Variants in ZMIZ1 observed in about 807,000 individuals in gnomAD.
The protein encoded by ZMIZ1 is zinc finger MIZ-type containing 1.
ZMIZ1 carries 17 observed loss-of-function variants against 113.9 expected under a neutral mutation model. The observed-to-expected ratio is 0.15, with a 90% CI of 0.10 to 0.22. ZMIZ1 has a LOEUF of 0.22. Among genes scored for constraint, ZMIZ1 ranks in the 10% least tolerant of loss-of-function variants. The pLI is 1.00. For synonymous variants in ZMIZ1, 607 were observed against 603.1 expected, an observed-to-expected ratio of 1.01 and a Z score of -0.09; for missense variants, 1,059 against 1,477.8, an observed-to-expected ratio of 0.72 and a Z score of 4.65.
rs533924300 is a variant in ZMIZ1 at position 79,087,799 on chromosome 10, ACT to A, written c.-337+18532_-337+18533del. On this transcript the variant is annotated intron_variant, in intron 1 of 24. Transcript: ENST00000334512. ...TGGAGAACTCCTAGGCATCCTGCAA[ACT>A]CTGCCCAAGCCTCAGCTTGCCCTCA... 1.2e-4 allele frequency among the ~76,000 whole-genome samples: 18 copies of A among 152,164 alleles called. No homozygotes were observed. In the East Asian group the frequency reaches 2.9e-3, roughly 25 times the overall value.
intron 1 of ZMIZ1, among the ~76,000 whole-genome samples, chr10:79,100,199 A>AG (rs1372947999): frequency 3.9e-5 from 6 of 152,086 alleles, no homozygotes; most frequent in African/African-American, 1.4e-4. Flanking sequence ...GGGGAGCCCC[A>AG]GGGGGACAGG....
At position 79,201,611 on chromosome 10, in the gene ZMIZ1, A is replaced by G. The variant is rs1476390429; in HGVS notation, c.-22A>G. On this transcript the variant is annotated 5_prime_UTR_variant, in exon 5 of 25. An upstream open reading frame in the 5' UTR loses its in-frame stop. Coordinates refer to ENST00000334512, the MANE Select transcript of ZMIZ1 (RefSeq NM_020338.4). ...TGGACAACGTTCATGGCTCTCGGGTAGAACCTAGTGAAACGGCCAGAATGA... is the reference window on the plus strand; with the variant it reads ...TGGACAACGTTCATGGCTCTCGGGTGGAACCTAGTGAAACGGCCAGAATGA... 2.5e-6 allele frequency: 4 copies of G among 1,613,250 alleles called. No homozygotes were observed. Among genetic ancestry groups the G allele is most frequent in the Admixed American group, 1.7e-5 (1 of 59,964 alleles).
chr10:79,078,060 G>GC (rs1418487663), intron 1 of ZMIZ1, among the ~76,000 whole-genome samples: 3 of 152,294 alleles, frequency 2.0e-5, no homozygotes, highest in African/African-American at 4.8e-5. Context: ...TCTCTGAGAG[G>GC]CCCCCAGTCA....
chr10:79,202,188 A>AT (rs1848118859), intron 5 of ZMIZ1, among the ~76,000 whole-genome samples: 1 of 66,852 alleles, frequency 1.5e-5, no homozygotes, highest in African/African-American at 5.6e-5. Context: ...ACCCTGTCTC[A>AT]GAAAAAAAAA....
chr10:79,077,532 C>T (rs1842515918), intron 1 of ZMIZ1, among the ~76,000 whole-genome samples: 1 of 152,012 alleles, frequency 6.6e-6, no homozygotes, highest in Non-Finnish European at 1.5e-5. Flanking sequence ...GGTGTTCCAT[C>T]GAAAAATGCT....
chr10:79,309,053 G>A (rs1473419211), intron 23 of ZMIZ1, among the ~76,000 whole-genome samples: 2 of 152,106 alleles, frequency 1.3e-5, no homozygotes, highest in Non-Finnish European at 2.9e-5. Flanking sequence ...CAGGCCGGTG[G>A]GGCAGGGCAG....
At chr10:79,228,767 A>G (rs1186881989) in intron 7 of ZMIZ1, among the ~76,000 whole-genome samples, 1 of 152,178 alleles carries the variant, frequency 6.6e-6, no homozygotes, top group African/African-American at 2.4e-5. Flanking sequence ...GTCTCAGGCT[A>G]TGTAGAGCCC....
rs1853654448 is a variant in ZMIZ1, at chr10:79,293,463, A to G, written c.1040A>G (p.Asn347Ser). The G allele has an allele frequency of 6.4e-7, 1 of 1,558,944 alleles. No homozygotes were observed. Among genetic ancestry groups the G allele is most frequent in the East Asian group, 2.3e-5 (1 of 44,356 alleles). Residue 347 changes from asparagine (N) to serine (S), a missense_variant, in exon 12 of 25, where the codon AAC becomes AGC. Physicochemically the swap from Asn to Ser is conservative, Grantham distance 46. This residue lies in a region of ZMIZ1 where 83 missense variants were observed against 103.7 expected (regional missense o/e 0.80). Transcript: ENST00000334512. ...CCTGCCTCCATGGGGGGCAGCATGA[A>G]CCCCGCGAGCATGGCGGCTGGCATG... is the stretch of plus-strand genomic sequence containing the variant. The part of the protein sequence containing the change: ...RGPASMGGSM[N>S]PASMAAGMTP...
chr10:79,191,751 C>T (rs1344184703), intron 4 of ZMIZ1, among the ~76,000 whole-genome samples: 1 of 152,206 alleles, frequency 6.6e-6, no homozygotes, highest in East Asian at 1.9e-4. Context: ...TGTAATCAGA[C>T]CTAGATTCAA....
intron 1 of ZMIZ1, among the ~76,000 whole-genome samples, chr10:79,092,996 C>T (rs373347574): frequency 1.3e-5 from 2 of 151,810 alleles, no homozygotes; most frequent in East Asian, 1.9e-4. Context: ...GAGCTACCAG[C>T]CAGTAGGAGA....
In ZMIZ1 at chr10:79,268,137, TG is replaced by T. The variant is rs1234983267; in HGVS notation, c.281-9041del. 2.6e-5 allele frequency among the ~76,000 whole-genome samples: 4 copies of T among 152,310 alleles called. No individual in the cohort carries two copies. In the South Asian group the frequency reaches 6.2e-4, roughly 24 times the overall value. The stretch of plus-strand genomic sequence containing the variant: ...CTCCAGGGAGCCCTGGGTGAGATGC[TG>T]GGAACATCTCACTAACATGAACAGC... On this transcript the variant is annotated intron_variant, in intron 7 of 24. Transcript: ENST00000334512.
At chr10:79,096,465 T>A (rs1175122304) in intron 1 of ZMIZ1, among the ~76,000 whole-genome samples, 1 of 152,056 alleles carries the variant, frequency 6.6e-6, no homozygotes, top group Non-Finnish European at 1.5e-5. Context: ...TGAGCCGAGA[T>A]TGCGCCACTG....
chr10:79,223,868 G>T (rs11002881), intron 7 of ZMIZ1, among the ~76,000 whole-genome samples: 1 of 152,186 alleles, frequency 6.6e-6, no homozygotes. Context: ...AGATCCGGTG[G>T]CCTCACTGTG....
At chr10:79,126,228 A>G (rs887914316) in intron 2 of ZMIZ1, among the ~76,000 whole-genome samples, 1 of 152,216 alleles carries the variant, frequency 6.6e-6, no homozygotes, top group Admixed American at 6.5e-5. Context: ...CCTCAGAGTC[A>G]GGGCCTAGTG....
In ZMIZ1 at chr10:79,143,560, G is replaced by A. The variant is rs150138382; in HGVS notation, c.-131+3783G>A. On this transcript the variant is annotated intron_variant, in intron 3 of 24. Coordinates refer to ENST00000334512, the MANE Select transcript of ZMIZ1 (RefSeq NM_020338.4). ...CTGTGTTGTGCCAAATGCAGGGCTC[G>A]AGTCAGGGTGTGCAGAGATGACAGT... Among the ~76,000 whole-genome samples the A allele has an allele frequency of 1.6e-4, 25 of 152,318 alleles. No homozygotes were observed. In the East Asian group the frequency reaches 3.3e-3, roughly 20 times the overall value.
chr10:79,200,394 G>A (rs570365126), intron 4 of ZMIZ1, among the ~76,000 whole-genome samples: 4 of 152,296 alleles, frequency 2.6e-5, no homozygotes, highest in South Asian at 2.1e-4. Flanking sequence ...TCCCTGGAGC[G>A]GCCTGGGGAC....
chr10:79,111,646 G>T (rs574941781), intron 1 of ZMIZ1, among the ~76,000 whole-genome samples: 2 of 152,334 alleles, frequency 1.3e-5, no homozygotes, highest in African/African-American at 2.4e-5. Flanking sequence ...CTTGACTCAA[G>T]AGTTAATGAT....
At chr10:79,148,584 G>A (rs1845586306) in intron 3 of ZMIZ1, among the ~76,000 whole-genome samples, 2 of 152,190 alleles carry the variant, frequency 1.3e-5, no homozygotes, top group African/African-American at 4.8e-5. Flanking sequence ...GGGTGGCCAG[G>A]GCTGAGGGTG....
At chr10:79,087,427 C>T (rs1842852941) in intron 1 of ZMIZ1, among the ~76,000 whole-genome samples, 1 of 152,214 alleles carries the variant, frequency 6.6e-6, no homozygotes, top group Non-Finnish European at 1.5e-5. Flanking sequence ...CATTCCCCTG[C>T]CCAGAGCATG....
Sources: gnomAD v4.1 joint callset for allele counts (sites outside exome capture counted in the v4.1 genomes callset) on GRCh38, gnomAD v4.1.1 for gene constraint, gnomAD v4.1.1 regional missense constraint, MANE v1.5 for transcripts, NCBI Gene and HGNC (gene_info 2026-07-23, HGNC 2026-07-21) for gene names.